Variants in SLC20A1 observed in about 807,000 individuals in gnomAD.
The protein encoded by SLC20A1 is sodium-dependent phosphate transporter 1.
A neutral mutation model predicts 62.7 loss-of-function variants in SLC20A1; 28 were observed. That is an observed-to-expected ratio of 0.45 (90% CI 0.33 to 0.61). The LOEUF (loss-of-function observed/expected upper bound fraction) is 0.61. SLC20A1 is among the 20% of genes least tolerant of loss of function. The pLI, the probability that SLC20A1 is intolerant of heterozygous loss-of-function variation, is 0.02. For synonymous variants in SLC20A1, 305 were observed against 302.9 expected (o/e 1.01, Z -0.07); for missense variants, 673 against 838.6 (o/e 0.80, Z 2.44).
intron 6 of SLC20A1, 177 bp from the exon 7 acceptor site, chr2:112,658,648 C>A: frequency 1.4e-6 from 1 of 712,158 alleles, no homozygotes; most frequent in Non-Finnish European, 2.2e-6. Context: ...TGGTTGTTCC[C>A]AAGTGAGAGT....
chr2:112,658,748 G>A, intron 6 of SLC20A1, 77 bp from the exon 7 acceptor site: 2 of 1,455,434 alleles, frequency 1.4e-6, no homozygotes, highest in Admixed American at 4.5e-5. Context: ...AGTTTTTTGG[G>A]GGTGGAGGAA....
chr2:112,661,882 A>G (rs763882118), intron 10 of SLC20A1, among the ~76,000 whole-genome samples: 2 of 152,144 alleles, frequency 1.3e-5, no homozygotes, highest in Non-Finnish European at 1.5e-5. Context: ...TGGGGAAGCC[A>G]TTCAGAGCAG....
At position 112,655,341 on chromosome 2, in the gene SLC20A1, C is replaced by G. The variant is rs902356993; in HGVS notation, c.659-1781C>G. Among the ~76,000 whole-genome samples the G allele has an allele frequency of 2.0e-5, 3 of 151,906 alleles. 1 individual carries two copies. The South Asian group carries it at 6.2e-4, about 31-fold the overall frequency. ...TCCAGTTTATAAGTACAAACAGTCCCTGACTTCATGGTTCAACCTTCAGTT... is the reference window on the plus strand; with the variant it reads ...TCCAGTTTATAAGTACAAACAGTCCGTGACTTCATGGTTCAACCTTCAGTT... On this transcript the variant is annotated intron_variant, in intron 5 of 10. Transcript: ENST00000272542.
In SLC20A1 at chr2:112,650,764, T is replaced by C. The variant is rs1002568762; in HGVS notation, c.562-1938T>C. On this transcript the variant is annotated intron_variant, in intron 4 of 10. Coordinates refer to ENST00000272542, the MANE Select transcript of SLC20A1 (RefSeq NM_005415.5). Reference sequence around the variant, plus strand: ...TCAGCCTCCAGAGTAGCTGGGACTATGGGTGTGTGCCACCACATCTGGCTA... The same window carrying C: ...TCAGCCTCCAGAGTAGCTGGGACTACGGGTGTGTGCCACCACATCTGGCTA... Among the ~76,000 whole-genome samples the C allele has an allele frequency of 8.5e-5, 13 of 152,162 alleles. 1 individual carries two copies. Among genetic ancestry groups the C allele is most frequent in the South Asian group, 2.1e-4 (1 of 4,828 alleles).
Position 112,663,251 on chromosome 2 carries a change from C to T in SLC20A1, c.*226C>T. 3.3e-6 allele frequency: 2 copies of T among 612,778 alleles called. No homozygotes were observed. The highest frequency in any genetic ancestry group is 4.4e-5 in the Admixed American group (2 of 45,924). 38.0% of individuals were successfully genotyped at this position (612,778 alleles called of 1,614,324 possible). A position where few individuals can be genotyped will look rare whatever the true frequency, so the allele number is the denominator to read the frequency against. On this transcript the variant is annotated 3_prime_UTR_variant, in exon 11 of 11. Coordinates refer to ENST00000272542, the MANE Select transcript of SLC20A1 (RefSeq NM_005415.5). Reference sequence around the variant, plus strand: ...GGGTTCCACTGGCTCCTGCTGAGGTCCCCTTTCCTTCTGGGCTGTGAATTC... The same window carrying T: ...GGGTTCCACTGGCTCCTGCTGAGGTTCCCTTTCCTTCTGGGCTGTGAATTC...
intron 5 of SLC20A1, among the ~76,000 whole-genome samples, chr2:112,655,523 GTT>G (rs35686702): frequency 0.74 from 101,322 of 136,250 alleles, 38,051 homozygotes; most frequent in East Asian, 0.98. Flanking sequence ...TCTTTTATGG[GTT>G]TTTTTTTTTT....
chr2:112,663,120 CAA>C lies in SLC20A1; in HGVS notation c.*96_*97del. On this transcript the variant is annotated 3_prime_UTR_variant, in exon 11 of 11. Coordinates refer to ENST00000272542, the MANE Select transcript of SLC20A1 (RefSeq NM_005415.5). Reference sequence around the variant, plus strand: ...GATTACAGTGTTAACAGAAGACTGACAAGAGTCTTTTTATTTGGGAGCCAGAG... The same window carrying C: ...GATTACAGTGTTAACAGAAGACTGACGAGTCTTTTTATTTGGGAGCCAGAG... 2.1e-6 allele frequency: 3 copies of C among 1,402,806 alleles called. No homozygotes were observed. Among genetic ancestry groups the C allele is most frequent in the Non-Finnish European group, 3.0e-6 (3 of 988,724 alleles). The allele number at this position is 1,402,806 out of a possible 1,614,324, so 86.9% of individuals were successfully genotyped here.
At chr2:112,647,848 A>G (rs1442766522) in intron 4 of SLC20A1, 110 bp downstream of exon 4, 3 of 850,916 alleles carry the variant, frequency 3.5e-6, no homozygotes, top group East Asian at 2.4e-5. Context: ...GGCCTTGGAA[A>G]ATTTTAAAAA....
At chr2:112,657,064 C>T (rs773258069) in intron 5 of SLC20A1, 58 bp from the exon 6 acceptor site, 3 of 1,609,846 alleles carry the variant, frequency 1.9e-6, no homozygotes, top group Middle Eastern at 1.7e-4. Flanking sequence ...AGGGTTTACA[C>T]AATATTGCAG....
At chr2:112,657,272 A>G in intron 6 of SLC20A1, 31 bp downstream of exon 6, 1 of 1,600,598 alleles carries the variant, frequency 6.2e-7, no homozygotes, top group South Asian at 1.1e-5. Flanking sequence ...AGAAAAGTTT[A>G]ACTACTAATG....
At chr2:112,655,086 A>AG (rs1355824179) in intron 5 of SLC20A1, among the ~76,000 whole-genome samples, 2 of 148,080 alleles carry the variant, frequency 1.4e-5, no homozygotes, top group Non-Finnish European at 3.0e-5. Flanking sequence ...CTCCTGCTTC[A>AG]GCCTCCCGAG....
Position 112,660,583 on chromosome 2 carries a change from G to A in SLC20A1, c.1793+11G>A, listed in dbSNP as rs202093749. ...GATCACACCCTCTAGGTAAGTAGGT[G>A]GAGCAGGTTCTACAAATGTCAGTAC... On this transcript the variant is annotated intron_variant, in intron 9 of 10. Coordinates refer to ENST00000272542, the MANE Select transcript of SLC20A1 (RefSeq NM_005415.5). 2,685 of 1,607,938 alleles carry A rather than the reference G, an allele frequency of 1.7e-3. 3 individuals carry two copies. The highest frequency in any genetic ancestry group is 2.0e-3 in the Non-Finnish European group (2,301 of 1,177,784).
intron 10 of SLC20A1, among the ~76,000 whole-genome samples, chr2:112,662,641 A>G (rs1686782799): frequency 6.6e-6 from 1 of 152,250 alleles, no homozygotes; most frequent in South Asian, 2.1e-4. Flanking sequence ...TGAGAAGGGG[A>G]AAAGAAATAG....
chr2:112,652,506 A>T, intron 4 of SLC20A1, 196 bp from the exon 5 acceptor site: 1 of 586,862 alleles, frequency 1.7e-6, no homozygotes, highest in Non-Finnish European at 3.0e-6. Flanking sequence ...AAGAAAAAAA[A>T]ACAGGTAGAA....
intron 10 of SLC20A1, 116 bp from the exon 11 acceptor site, chr2:112,662,748 G>T: frequency 1.0e-6 from 1 of 999,568 alleles, no homozygotes; most frequent in South Asian, 1.6e-5. Context: ...CAGCTTTCTT[G>T]GACTTTGTCT....
At chr2:112,659,854 C>A in intron 8 of SLC20A1, 92 bp downstream of exon 8, 1 of 1,065,580 alleles carries the variant, frequency 9.4e-7, no homozygotes, top group Non-Finnish European at 1.4e-6. Flanking sequence ...GTACTCCTAG[C>A]ATTTACAGGA....
At chr2:112,651,334 T>C (rs1686428997) in intron 4 of SLC20A1, among the ~76,000 whole-genome samples, 1 of 152,208 alleles carries the variant, frequency 6.6e-6, no homozygotes, top group African/African-American at 2.4e-5. Flanking sequence ...CAAGATAACA[T>C]TAAACCTTTT....
Position 112,663,443 on chromosome 2 carries a change from A to G in SLC20A1, c.*418A>G, listed in dbSNP as rs1686804343. 3.1e-6 allele frequency: 1 copy of G among 327,314 alleles called. No homozygotes were observed. The highest frequency in any genetic ancestry group is 5.8e-6 in the Non-Finnish European group (1 of 171,006). The allele number at this position is 327,314 out of a possible 1,614,324, so 20.3% of individuals were successfully genotyped here. A position where few individuals can be genotyped will look rare whatever the true frequency, so the allele number is the denominator to read the frequency against. On this transcript the variant is annotated 3_prime_UTR_variant, in exon 11 of 11. Coordinates refer to ENST00000272542, the MANE Select transcript of SLC20A1 (RefSeq NM_005415.5). ...TTCACCAGCTTCTGCCCTCACATGC[A>G]CAGGGATTTAACAACAAAAATATAA...
In SLC20A1 at chr2:112,659,518, T is replaced by C; in HGVS notation, c.1363T>C (p.Ser455Pro). 1 of 1,614,196 alleles carries C rather than the reference T, an allele frequency of 6.2e-7. No homozygotes were observed. Among genetic ancestry groups the C allele is most frequent in the Non-Finnish European group, 8.5e-7 (1 of 1,180,036 alleles). The change falls in exon 8 of 11, where the codon TCC (serine) becomes CCC (proline). Residue 455 changes from serine to proline, a missense_variant. By Grantham distance (74) the Ser-to-Pro change is moderately conservative. Coordinates refer to ENST00000272542, the MANE Select transcript of SLC20A1 (RefSeq NM_005415.5). ...GAAGCTGACATGGCCTAATGCAGAC[T>C]CCAAGAAGCGAATTCGAATGGACAG... ...MEKLTWPNAD[S>P]KKRIRMDSYT... is the part of the protein sequence containing the mutation.
Sources: gnomAD v4.1 joint callset for allele counts (sites outside exome capture counted in the v4.1 genomes callset) on GRCh38, gnomAD v4.1.1 for gene constraint, MANE v1.5 for transcripts, NCBI Gene and HGNC (gene_info 2026-07-23, HGNC 2026-07-21) for gene names.